Variants in POLE2 observed in about 807,000 individuals in gnomAD.
POLE2 encodes the protein DNA polymerase epsilon subunit 2.
A neutral mutation model predicts 79.4 loss-of-function variants in POLE2; 56 were observed. The observed-to-expected ratio is 0.71, with a 90% CI of 0.57 to 0.88. The LOEUF (loss-of-function observed/expected upper bound fraction) is 0.88, where lower values mean the gene tolerates loss of function less well. Ranked by LOEUF, POLE2 falls within the 40% of genes least tolerant of loss-of-function variation. POLE2 has a pLI of 0.00. For synonymous variants in POLE2, 212 were observed against 214.0 expected (o/e 0.99, Z 0.08); for missense variants, 598 against 638.9 (o/e 0.94, Z 0.69).
intron 1 of POLE2, among the ~76,000 whole-genome samples, chr14:49,686,924 CA>C (rs1480005547): frequency 1.3e-5 from 2 of 152,078 alleles, no homozygotes; most frequent in Non-Finnish European, 2.9e-5. Flanking sequence ...TCTACACACA[CA>C]AAAGCAATAA....
intron 3 of POLE2, chr14:49,677,514 C>A (rs1019595399): frequency 2.4e-5 from 12 of 493,724 alleles, no homozygotes; most frequent in Non-Finnish European, 4.1e-5. Context: ...ACATGAAGGG[C>A]TCCCACCAGG....
intron 18 of POLE2, among the ~76,000 whole-genome samples, chr14:49,645,796 A>C (rs1277888218): frequency 6.6e-6 from 1 of 152,024 alleles, no homozygotes; most frequent in Non-Finnish European, 1.5e-5. Context: ...ACACCCAGCT[A>C]ATTTTTTGTA....
intron 6 of POLE2, among the ~76,000 whole-genome samples, chr14:49,668,189 GA>G (rs1207240472): frequency 6.6e-6 from 1 of 152,134 alleles, no homozygotes; most frequent in Non-Finnish European, 1.5e-5. Flanking sequence ...AGAATTGCTT[GA>G]ACCTGGGAAG....
Position 49,673,798 on chromosome 14 carries a change from G to GGAT in POLE2, c.417+324_417+325insATC, listed in dbSNP as rs145291832. On this transcript the variant is annotated intron_variant, in intron 5 of 18. Transcript: ENST00000216367. ...CTCAGTTTCCTGATCCGTAAAATGGGAATAATAGCATTTACACATTATTAG... is the reference window on the plus strand; with the variant it reads ...CTCAGTTTCCTGATCCGTAAAATGGGGATAATAATAGCATTTACACATTATTAG... Among the ~76,000 whole-genome samples the GGAT allele has an allele frequency of 7.2e-4, 109 of 152,214 alleles. 2 individuals carry two copies. The East Asian group carries it at 0.018, about 25-fold the overall frequency.
intron 13 of POLE2, 33 bp downstream of exon 13, chr14:49,654,751 G>A (rs772126066): frequency 7.6e-6 from 11 of 1,447,990 alleles, no homozygotes; most frequent in South Asian, 4.9e-5. Flanking sequence ...TAAGTAAAAC[G>A]GTGAAAAAAT....
At chr14:49,645,528 T>C (rs537850008) in intron 18 of POLE2, among the ~76,000 whole-genome samples, 2 of 152,188 alleles carry the variant, frequency 1.3e-5, no homozygotes, top group Non-Finnish European at 2.9e-5. Context: ...CAATACAAAA[T>C]TATAGTTTGG....
intron 1 of POLE2, 134 bp downstream of exon 1, chr14:49,688,002 C>A: frequency 1.4e-6 from 1 of 734,684 alleles, no homozygotes; most frequent in Non-Finnish European, 2.3e-6. Context: ...CCGACCGCTT[C>A]TTAGAACTCT....
intron 15 of POLE2, among the ~76,000 whole-genome samples, chr14:49,652,149 C>T (rs974890707): frequency 1.3e-5 from 2 of 150,158 alleles, no homozygotes; most frequent in Non-Finnish European, 3.0e-5. Context: ...TTTCACACTG[C>T]GTTAAGAATA....
chr14:49,680,479 T>C (rs1886624014), intron 2 of POLE2, among the ~76,000 whole-genome samples: 1 of 152,230 alleles, frequency 6.6e-6, no homozygotes, highest in Non-Finnish European at 1.5e-5. Context: ...TATTAAGCAT[T>C]GAGTAAATGT....
chr14:49,677,506 A>G (rs1477826050), intron 3 of POLE2: 2 of 491,116 alleles, frequency 4.1e-6, no homozygotes, highest in African/African-American at 1.9e-5. Context: ...CATGCCTCAC[A>G]TGAAGGGCTC....
At chr14:49,647,047 A>G (rs1228011045) in intron 18 of POLE2, 2 of 318,352 alleles carry the variant, frequency 6.3e-6, no homozygotes, top group East Asian at 5.7e-5. Flanking sequence ...GAACTAGCTC[A>G]CCTCCACAGC....
chr14:49,649,348 A>G lies in POLE2; in HGVS notation c.1497+917T>C, dbSNP rs373899621. 3.4e-4 allele frequency among the ~76,000 whole-genome samples: 51 copies of G among 151,158 alleles called. No individual in the cohort carries two copies. In the South Asian group the frequency reaches 6.1e-3, roughly 18 times the overall value. On this transcript the variant is annotated intron_variant, in intron 17 of 18. Transcript: ENST00000216367. ...TTTTTAGTAGAGACGGGGTTGCACC[A>G]TGTTAGCCAGGATGGTCTCGATCTC...
Position 49,651,379 on chromosome 14 carries a change from T to A in POLE2, c.1212-2A>T. 1 of 1,284,242 alleles carries A rather than the reference T, an allele frequency of 7.8e-7. No individual in the cohort carries two copies. The highest frequency in any genetic ancestry group is 1.1e-6 in the Non-Finnish European group (1 of 917,404). The allele number at this position is 1,284,242 out of a possible 1,614,324, so 79.6% of individuals were successfully genotyped here. On this transcript the variant is annotated splice_acceptor_variant, in intron 15 of 18. Transcript: ENST00000216367. LOFTEE classifies it high-confidence loss of function. Reference sequence around the variant, plus strand: ...ATTTCCTGTGTACAGTACTGAATTCTGAAATGAAAACAGTAGTTGAATTTG... The same window carrying A: ...ATTTCCTGTGTACAGTACTGAATTCAGAAATGAAAACAGTAGTTGAATTTG...
chr14:49,669,781 G>A (rs12232094), intron 5 of POLE2, among the ~76,000 whole-genome samples, 183 bp from the exon 6 acceptor site: 29,551 of 151,916 alleles, frequency 0.19, 3,096 homozygotes, highest in African/African-American at 0.25. Flanking sequence ...TAAAATTTAA[G>A]ACAAAAAAAA....
At position 49,665,822 on chromosome 14, in the gene POLE2, T is replaced by TA. The variant is rs538979295; in HGVS notation, c.576+507_576+508insT. ...TTTCTCTGCTGAACAGCCATTATTA[T>TA]TTTATTTATTTATTTATTTTTGAGA... On this transcript the variant is annotated intron_variant, in intron 7 of 18. Transcript: ENST00000216367. Among the ~76,000 whole-genome samples, 639 of 152,072 alleles carry TA rather than the reference T, an allele frequency of 4.2e-3. 4 individuals carry two copies. The highest frequency in any genetic ancestry group is 0.015 in the African/African-American group (610 of 41,486).
At chr14:49,652,642 T>A (rs1884357358) in intron 15 of POLE2, among the ~76,000 whole-genome samples, 1 of 152,112 alleles carries the variant, frequency 6.6e-6, no homozygotes, top group African/African-American at 2.4e-5. Context: ...GGCTGCACAC[T>A]CGTTATAAGA....
In POLE2 at chr14:49,660,713, G is replaced by A. The variant is rs562259751; in HGVS notation, c.755+2602C>T. 1.1e-3 allele frequency among the ~76,000 whole-genome samples: 174 copies of A among 152,172 alleles called. 1 individual carries two copies. Among genetic ancestry groups the A allele is most frequent in the African/African-American group, 4.0e-3 (167 of 41,534 alleles). On this transcript the variant is annotated intron_variant, in intron 10 of 18. Coordinates refer to ENST00000216367, the MANE Select transcript of POLE2 (RefSeq NM_002692.4). ...TCAAGACCAGCCTGACCAACATAGC[G>A]AAACCCTGTCTCTACTAAAAATACA...
chr14:49,681,688 C>T (rs377301943), intron 2 of POLE2, among the ~76,000 whole-genome samples: 3 of 152,054 alleles, frequency 2.0e-5, no homozygotes, highest in East Asian at 1.9e-4. Flanking sequence ...ACAGAAGAAT[C>T]GCTTGAACCC....
chr14:49,688,054 C>T, intron 1 of POLE2, 82 bp downstream of exon 1: 14 of 1,196,402 alleles, frequency 1.2e-5, no homozygotes, highest in Non-Finnish European at 1.7e-5. Flanking sequence ...CGGGGAGCCG[C>T]CGCGGTGCGT....
Sources: allele counts gnomAD v4.1 joint callset (sites outside exome capture counted in the v4.1 genomes callset), GRCh38; gene constraint gnomAD v4.1.1; transcripts MANE v1.5; gene names NCBI Gene and HGNC (gene_info 2026-07-23, HGNC 2026-07-21).